AK8: variants seen among roughly 807,000 people sequenced by gnomAD.
AK8 encodes the protein ATP-AMP transphosphorylase 8.
A neutral mutation model predicts 54.6 loss-of-function variants in AK8; 44 were observed. The ratio of observed to expected loss-of-function variants is 0.81; its 90% CI spans 0.63 to 1.04. The LOEUF (loss-of-function observed/expected upper bound fraction) is 1.04, where lower values mean the gene tolerates loss of function less well. Among genes scored for constraint, AK8 ranks in the 50% least tolerant of loss-of-function variants. The probability of loss-of-function intolerance (pLI) is 0.00; values close to 1 mark genes in which losing one functional copy is unlikely to be tolerated. For synonymous variants in AK8, 239 were observed against 245.6 expected, an observed-to-expected ratio of 0.97 and a Z score of 0.25; for missense variants, 555 against 613.6, an observed-to-expected ratio of 0.90 and a Z score of 1.01.
At chr9:132,812,516 GGGGTGAGCTACCGTGCCCACTGGGATGAC>G (rs746708974) in intron 10 of AK8, among the ~76,000 whole-genome samples, 673 of 4,968 alleles carry the variant, frequency 0.14, 5 homozygotes, top group Non-Finnish European at 0.24. Flanking sequence ...TGGGATGACA[GGGGTGAGCTACCGTGCCCACTGGGATGAC>G]GGGTGAGCCG....
chr9:132,814,571 G>T, intron 10 of AK8, 67 bp downstream of exon 10: 2 of 1,470,730 alleles, frequency 1.4e-6, no homozygotes, highest in Non-Finnish European at 1.9e-6. Flanking sequence ...TGTTCAGAGA[G>T]CCGCACAAAA....
In AK8 at chr9:132,814,645, C is replaced by T. The variant is rs779302724; in HGVS notation, c.972G>A (p.Glu324=). 43 of 1,613,922 alleles carry T rather than the reference C, an allele frequency of 2.7e-5. No individual in the cohort carries two copies. The Admixed American group carries it at 6.7e-4, about 25-fold the overall frequency. Residue 324 remains glutamate, a synonymous_variant, in exon 10 of 13, where the codon GAG becomes GAA. Coordinates refer to ENST00000298545, the MANE Select transcript of AK8 (RefSeq NM_152572.3). The stretch of plus-strand genomic sequence containing the variant: ...AGTGGGAACGTGGCCTACCTGCCAT[C>T]TCCTTTTCAAAGAAGGGCTGGATGA... ...GELIQPFFEK[E]MAVPDSLLMK...
At chr9:132,815,593 C>T (rs888874446) in intron 9 of AK8, among the ~76,000 whole-genome samples, 4 of 152,168 alleles carry the variant, frequency 2.6e-5, no homozygotes, top group Non-Finnish European at 5.9e-5. Flanking sequence ...AGGTACCACG[C>T]TGCAGTCACC....
rs931155655 is a variant in AK8, at chr9:132,823,218, G to GT, written c.875dup (p.Tyr292Ter). The change falls in exon 9 of 13, where the codon TAC (tyrosine) becomes TAAC (stop). Residue 292 changes from tyrosine to a stop codon, truncating the protein, a stop_gained and frameshift_variant. Transcript: ENST00000298545. LOFTEE classifies it high-confidence loss of function. ...TGGGGCACTCACCATTGACAAGCCT[G>GT]TATTTCTGGGCCAGGAGGGCGGCCT... is the stretch of plus-strand genomic sequence containing the variant. The part of the protein sequence containing the change: ...SLQAALLAQK[Y>*]RLVNVCCGQL... 3.8e-6 allele frequency: 6 copies of GT among 1,586,430 alleles called. No individual in the cohort carries two copies. The African/African-American group carries it at 5.4e-5, about 14-fold the overall frequency.
At chr9:132,805,634 A>C (rs1031553556) in intron 10 of AK8, among the ~76,000 whole-genome samples, 2 of 152,182 alleles carry the variant, frequency 1.3e-5, no homozygotes, top group African/African-American at 2.4e-5. Flanking sequence ...AGTGTAAAAA[A>C]AATCAAAGAG....
intron 9 of AK8, among the ~76,000 whole-genome samples, chr9:132,816,860 A>G (rs555193400): frequency 4.4e-4 from 67 of 152,290 alleles, no homozygotes; most frequent in African/African-American, 1.5e-3. Flanking sequence ...TGGAAGCAAC[A>G]AAGACTGGAG....
chr9:132,855,806 C>T (rs771021674), intron 4 of AK8, among the ~76,000 whole-genome samples: 1 of 152,208 alleles, frequency 6.6e-6, no homozygotes, highest in Non-Finnish European at 1.5e-5. Flanking sequence ...ACTCCACTTA[C>T]AGTAACACGG....
At chr9:132,811,458 G>A (rs948486264) in intron 10 of AK8, among the ~76,000 whole-genome samples, 7 of 152,260 alleles carry the variant, frequency 4.6e-5, no homozygotes, top group Non-Finnish European at 1.0e-4. Flanking sequence ...ACGAGCCAAA[G>A]CATGGGGATG....
At chr9:132,811,716 A>G (rs942358267) in intron 10 of AK8, among the ~76,000 whole-genome samples, 2 of 152,246 alleles carry the variant, frequency 1.3e-5, no homozygotes, top group Non-Finnish European at 2.9e-5. Flanking sequence ...ATGGCAGTAC[A>G]GCATCACCAC....
intron 2 of AK8, among the ~76,000 whole-genome samples, chr9:132,871,754 G>C (rs1185106156): frequency 6.6e-6 from 1 of 152,360 alleles, no homozygotes; most frequent in Non-Finnish European, 1.5e-5. Context: ...ACCTTCGGAT[G>C]AAGGGAAAGG....
Position 132,823,268 on chromosome 9 carries a change from G to A in AK8, c.826C>T (p.Pro276Ser). 1 of 1,612,060 alleles carries A rather than the reference G, an allele frequency of 6.2e-7. No individual in the cohort carries two copies. Among genetic ancestry groups the A allele is most frequent in the Non-Finnish European group, 8.5e-7 (1 of 1,179,096 alleles). Reference protein sequence around the residue: ...PFTPRVLLLGPVGSGKSLQAA... With the variant: ...PFTPRVLLLGSVGSGKSLQAA... Reference sequence around the variant, plus strand: ...TGCAGACTTTTCCCACTGCCCACAGGCCCGAGCAGCAGCACCCTCGGGGTG... The same window carrying A: ...TGCAGACTTTTCCCACTGCCCACAGACCCGAGCAGCAGCACCCTCGGGGTG... Residue 276 changes from proline (P) to serine (S), a missense_variant, in exon 9 of 13, where the codon CCT becomes TCT. Pro to Ser is a moderately conservative substitution (Grantham distance 74). Coordinates refer to ENST00000298545, the MANE Select transcript of AK8 (RefSeq NM_152572.3).
rs1836539641 is a variant in AK8, at chr9:132,725,862, T to C, written c.1266A>G (p.Pro422=). ...MEIQARLLQN[P]KDAEEQVKLK... is the part of the protein sequence containing the mutation. ...GCTTGACCTGCTCTTCAGCATCCTT[T>C]GGGTTCTGCAGGAGGCGAGCCTGGA... Residue 422 remains proline, a synonymous_variant, in exon 13 of 13, where the codon CCA becomes CCG. Transcript: ENST00000298545. 1 of 1,610,966 alleles carries C rather than the reference T, an allele frequency of 6.2e-7. No homozygotes were observed.
chr9:132,867,037 C>T, intron 2 of AK8, 84 bp from the exon 3 acceptor site: 2 of 1,319,654 alleles, frequency 1.5e-6, no homozygotes, highest in South Asian at 2.4e-5. Context: ...GTACTTATTT[C>T]TCCCTCCCTA....
chr9:132,823,120 C>T (rs1425787971), intron 9 of AK8, 85 bp downstream of exon 9: 2 of 1,469,544 alleles, frequency 1.4e-6, no homozygotes, highest in Non-Finnish European at 1.8e-6. Flanking sequence ...CAACACCACC[C>T]CCCATAAAAT....
intron 9 of AK8, among the ~76,000 whole-genome samples, chr9:132,815,741 C>T (rs577808463): frequency 1.3e-5 from 2 of 152,330 alleles, no homozygotes; most frequent in African/African-American, 4.8e-5. Flanking sequence ...TGAATAAACA[C>T]AGGCTACCTC....
intron 11 of AK8, among the ~76,000 whole-genome samples, chr9:132,779,741 G>A (rs1281083266): frequency 2.0e-5 from 3 of 152,226 alleles, no homozygotes; most frequent in Non-Finnish European, 4.4e-5. Context: ...GGAAATTGAC[G>A]TTAAATGTGT....
intron 11 of AK8, among the ~76,000 whole-genome samples, chr9:132,768,001 A>G (rs1189283715): frequency 6.6e-6 from 1 of 152,180 alleles, no homozygotes; most frequent in Non-Finnish European, 1.5e-5. Context: ...AAGAAAATAC[A>G]GTTAGATAGA....
At chr9:132,812,228 CTTT>C (rs528951216) in intron 10 of AK8, among the ~76,000 whole-genome samples, 1 of 92,556 alleles carries the variant, frequency 1.1e-5, no homozygotes, top group Admixed American at 1.3e-4. Context: ...GCTACTGTGG[CTTT>C]TTTTTTTTTT....
chr9:132,793,434 G>C (rs1215105171), intron 10 of AK8, among the ~76,000 whole-genome samples: 1 of 152,202 alleles, frequency 6.6e-6, no homozygotes, highest in Non-Finnish European at 1.5e-5. Context: ...AAGCGCACCA[G>C]CTCCAGCTGC....
Sources: allele counts gnomAD v4.1 joint callset (sites outside exome capture counted in the v4.1 genomes callset), GRCh38; gene constraint gnomAD v4.1.1; transcripts MANE v1.5; gene names NCBI Gene and HGNC (gene_info 2026-07-23, HGNC 2026-07-21).